The following WDR7 variants were observed in gnomAD, a reference collection of about 807,000 sequenced individuals.
WDR7 encodes the protein WD repeat-containing protein 7.
Under a neutral mutation model 169.4 loss-of-function variants are expected in WDR7, and 46 were observed. That is an observed-to-expected ratio of 0.27 (90% CI 0.21 to 0.35). WDR7 has a LOEUF of 0.35. Among genes scored for constraint, WDR7 ranks in the 10% least tolerant of loss-of-function variants. WDR7 has a pLI of 1.00. For synonymous variants in WDR7, 612 were observed against 666.8 expected, an observed-to-expected ratio of 0.92 and a Z score of 1.27; for missense variants, 1,534 against 1,859.3, an observed-to-expected ratio of 0.83 and a Z score of 3.22.
intron 20 of WDR7, among the ~76,000 whole-genome samples, chr18:56,834,435 G>A (rs1412936910): frequency 6.6e-6 from 1 of 152,030 alleles, no homozygotes; most frequent in Non-Finnish European, 1.5e-5. Context: ...GGGGCTCACT[G>A]CTTGCAATTT....
At chr18:56,708,216 T>C (rs2026005600) in intron 12 of WDR7, among the ~76,000 whole-genome samples, 1 of 151,890 alleles carries the variant, frequency 6.6e-6, no homozygotes, top group South Asian at 2.1e-4. Flanking sequence ...GTATTTTTAG[T>C]AGAGATGGGG....
At chr18:56,809,194 G>A (rs2044826989) in intron 19 of WDR7, among the ~76,000 whole-genome samples, 1 of 151,832 alleles carries the variant, frequency 6.6e-6, no homozygotes, top group Non-Finnish European at 1.5e-5. Context: ...GATACTCACT[G>A]GTTTTTTACC....
At chr18:56,846,941 A>T (rs1202734887) in intron 20 of WDR7, among the ~76,000 whole-genome samples, 1 of 152,240 alleles carries the variant, frequency 6.6e-6, no homozygotes, top group Non-Finnish European at 1.5e-5. Context: ...GAAAATTGGT[A>T]CTGAGGAATG....
At position 56,924,044 on chromosome 18, in the gene WDR7, G is replaced by A. The variant is rs771634794; in HGVS notation, c.3649G>A (p.Asp1217Asn). The A allele has an allele frequency of 1.2e-6, 2 of 1,613,352 alleles. No homozygotes were observed. Among genetic ancestry groups the A allele is most frequent in the Non-Finnish European group, 1.7e-6 (2 of 1,179,748 alleles). The change falls in exon 22 of 28, where the codon GAT becomes AAT. Residue 1217 changes from aspartate to asparagine, a missense_variant. Transcript: ENST00000254442. ...GTTCACTGTTTGGGAGCCTTACATG[G>A]ATGTGTCCGCTGTTCTGATGGGGCT... The part of the protein sequence containing the change: ...RGFTVWEPYM[D>N]VSAVLMGLLE...
chr18:56,802,230 A>G (rs900631788), intron 19 of WDR7, among the ~76,000 whole-genome samples: 3 of 152,120 alleles, frequency 2.0e-5, no homozygotes, highest in Non-Finnish European at 4.4e-5. Flanking sequence ...ATACTTTCAT[A>G]TGATTATTTG....
chr18:56,886,450 C>T (rs1599130297), intron 21 of WDR7, among the ~76,000 whole-genome samples: 1 of 152,124 alleles, frequency 6.6e-6, no homozygotes, highest in African/African-American at 2.4e-5. Flanking sequence ...TTTGCCTCTA[C>T]CAAGCCAGCA....
chr18:56,896,407 G>A (rs1004094025), intron 21 of WDR7, among the ~76,000 whole-genome samples: 3 of 151,800 alleles, frequency 2.0e-5, no homozygotes, highest in African/African-American at 2.4e-5. Context: ...GATAAACAAG[G>A]TGGAGGGATT....
chr18:56,701,927 T>C (rs572628901), intron 12 of WDR7, among the ~76,000 whole-genome samples: 26 of 152,336 alleles, frequency 1.7e-4, no homozygotes, highest in African/African-American at 5.5e-4. Flanking sequence ...CTATAGAATA[T>C]TAGCTTAATT....
chr18:56,839,317 A>G (rs2045444986), intron 20 of WDR7, among the ~76,000 whole-genome samples: 1 of 152,172 alleles, frequency 6.6e-6, no homozygotes, highest in Non-Finnish European at 1.5e-5. Flanking sequence ...ACCTTCTTTA[A>G]TAGTTGTCAG....
At chr18:56,957,216 T>C (rs966738589) in intron 25 of WDR7, 5 of 152,150 alleles carry the variant, frequency 3.3e-5, no homozygotes, top group African/African-American at 1.2e-4. Context: ...GAAAGCGAAG[T>C]TGCAGAAAAG....
chr18:56,821,698 C>G (rs1206060060), intron 20 of WDR7, among the ~76,000 whole-genome samples: 1 of 147,326 alleles, frequency 6.8e-6, no homozygotes, highest in Non-Finnish European at 1.5e-5. Context: ...TGGTCTCAAA[C>G]TCTTGGGTTT....
intron 20 of WDR7, among the ~76,000 whole-genome samples, chr18:56,817,403 C>G (rs1336173242): frequency 6.6e-6 from 1 of 151,720 alleles, no homozygotes; most frequent in Non-Finnish European, 1.5e-5. Flanking sequence ...TCCTCCTTCC[C>G]TCCCACCCTC....
intron 20 of WDR7, among the ~76,000 whole-genome samples, chr18:56,859,179 T>C (rs1207399488): frequency 6.6e-6 from 1 of 152,232 alleles, no homozygotes; most frequent in Non-Finnish European, 1.5e-5. Flanking sequence ...GACTTTCTTA[T>C]TGTTGTTGAC....
At chr18:56,759,004 CTG>C (rs2043942589) in intron 16 of WDR7, 51 bp downstream of exon 16, 1 of 1,452,302 alleles carries the variant, frequency 6.9e-7, no homozygotes, top group African/African-American at 1.4e-5. Flanking sequence ...GCTCTAGAAA[CTG>C]AGGAGGCATA....
chr18:56,658,600 T>G (rs1177252978), intron 1 of WDR7, among the ~76,000 whole-genome samples: 1 of 152,240 alleles, frequency 6.6e-6, no homozygotes, highest in African/African-American at 2.4e-5. Context: ...ATTTCACATT[T>G]AAGCTATCTT....
chr18:56,675,390 C>T lies in WDR7; in HGVS notation c.159+2716C>T, dbSNP rs549928478. Among the ~76,000 whole-genome samples, 71 of 151,084 alleles carry T rather than the reference C, an allele frequency of 4.7e-4. No homozygotes were observed. The Middle Eastern group carries it at 0.014, about 29-fold the overall frequency. On this transcript the variant is annotated intron_variant, in intron 2 of 27. Transcript: ENST00000254442. ...ATTTAGATCTTTAGTTTTTTTTCAG[C>T]GATATTTTGTAGTTTTCAGAATATA... is the stretch of plus-strand genomic sequence containing the variant.
At chr18:56,662,986 G>A (rs1568124076) in intron 1 of WDR7, among the ~76,000 whole-genome samples, 1 of 152,200 alleles carries the variant, frequency 6.6e-6, no homozygotes, top group South Asian at 2.1e-4. Flanking sequence ...CAGTCCTGGA[G>A]GCTAGAAGTG....
chr18:56,840,196 A>G (rs1299151114), intron 20 of WDR7, among the ~76,000 whole-genome samples: 1 of 152,170 alleles, frequency 6.6e-6, no homozygotes, highest in Non-Finnish European at 1.5e-5. Context: ...CAAGGGGGAA[A>G]GGGGAGAGAT....
At chr18:56,723,116 A>G (rs1279207721) in intron 13 of WDR7, among the ~76,000 whole-genome samples, 1 of 152,052 alleles carries the variant, frequency 6.6e-6, no homozygotes, top group Non-Finnish European at 1.5e-5. Flanking sequence ...TCTAGTCAAT[A>G]ATAATTGGGT....
Sources: gnomAD v4.1 joint callset for allele counts (sites outside exome capture counted in the v4.1 genomes callset) on GRCh38, gnomAD v4.1.1 for gene constraint, MANE v1.5 for transcripts, NCBI Gene and HGNC (gene_info 2026-07-23, HGNC 2026-07-21) for gene names.